Variants in ANKIB1 observed in about 807,000 individuals in gnomAD.
The protein encoded by ANKIB1 is ankyrin repeat and IBR domain containing 1, also known as ankyrin repeat and IBR domain-containing protein 1.
Under a neutral mutation model 122.1 loss-of-function variants are expected in ANKIB1, and 43 were observed. The ratio of observed to expected loss-of-function variants is 0.35; its 90% confidence interval spans 0.28 to 0.45. ANKIB1 has a LOEUF of 0.45. Among genes scored for constraint, ANKIB1 ranks in the 20% least tolerant of loss-of-function variants. ANKIB1 has a pLI of 1.00. For missense variants in ANKIB1, 992 were observed against 1,329.5 expected, an observed-to-expected ratio of 0.75 and a Z score of 3.95; for synonymous variants, 390 against 442.0, an observed-to-expected ratio of 0.88 and a Z score of 1.48.
chr7:92,248,361 C>G (rs1171319631), intron 1 of ANKIB1, among the ~76,000 whole-genome samples: 1 of 152,154 alleles, frequency 6.6e-6, no homozygotes, highest in East Asian at 1.9e-4. Flanking sequence ...GTTAGCCACT[C>G]TTTTGTACTC....
intron 12 of ANKIB1, among the ~76,000 whole-genome samples, chr7:92,387,351 C>CTTTTA (rs1804679196): frequency 6.6e-6 from 1 of 152,032 alleles, no homozygotes; most frequent in Non-Finnish European, 1.5e-5. Context: ...CATTGAAGGC[C>CTTTTA]TTGGCCTTCA....
chr7:92,272,779 C>A (rs1801823799), intron 1 of ANKIB1, among the ~76,000 whole-genome samples: 1 of 152,062 alleles, frequency 6.6e-6, no homozygotes, highest in Non-Finnish European at 1.5e-5. Flanking sequence ...TTGAGAAATA[C>A]ATCATTAGAT....
At position 92,398,899 on chromosome 7, in the gene ANKIB1, CA is replaced by C. The variant is rs1350380853; in HGVS notation, c.3223del (p.Thr1075HisfsTer14). ...AGGAGATGGTTCAGATGTTTCAAGT[CA>C]AACACCTCAAACCTCAAGTGACTGG... ...NRGDGSDVSS[Q>X]TPQTSSDWLE... On this transcript the variant is annotated frameshift_variant, in exon 20 of 20. Coordinates refer to ENST00000265742, the MANE Select transcript of ANKIB1 (RefSeq NM_019004.2). LOFTEE classifies it high-confidence loss of function. The C allele has an allele frequency of 6.2e-7, 1 of 1,601,722 alleles. No homozygotes were observed. The highest frequency in any genetic ancestry group is 8.5e-7 in the Non-Finnish European group (1 of 1,173,876).
chr7:92,296,375 A>G (rs1802356954), intron 2 of ANKIB1, among the ~76,000 whole-genome samples: 1 of 152,218 alleles, frequency 6.6e-6, no homozygotes, highest in African/African-American at 2.4e-5. Context: ...GGCCTCGGCC[A>G]CCATAGCCAG....
At chr7:92,395,458 A>G (rs961444325) in intron 17 of ANKIB1, among the ~76,000 whole-genome samples, 9 of 151,544 alleles carry the variant, frequency 5.9e-5, no homozygotes, top group Non-Finnish European at 4.4e-5. Context: ...AAATCCAACA[A>G]TCTGGCAAGT....
chr7:92,340,369 A>G (rs1217255167), intron 5 of ANKIB1, among the ~76,000 whole-genome samples: 1 of 152,252 alleles, frequency 6.6e-6, no homozygotes, highest in Non-Finnish European at 1.5e-5. Flanking sequence ...ACTTGTTCAA[A>G]TCTAGACAAA....
chr7:92,310,287 A>G (rs1185360456), intron 3 of ANKIB1, among the ~76,000 whole-genome samples: 2 of 152,116 alleles, frequency 1.3e-5, no homozygotes, highest in Non-Finnish European at 2.9e-5. Context: ...TGTATTCAGA[A>G]GAGCTCTTTG....
rs185998638 is a variant in ANKIB1, at chr7:92,340,038, G to A, written c.788-2986G>A. Among the ~76,000 whole-genome samples the A allele has an allele frequency of 3.4e-3, 508 of 151,146 alleles. 2 individuals carry two copies. Among genetic ancestry groups the A allele is most frequent in the African/African-American group, 0.012 (485 of 41,188 alleles). ...CCTTTGAAGTGTTTTTTCTCCCTTG[G>A]CCTTAAAGAACATTAATTTGTGTCT... On this transcript the variant is annotated intron_variant, in intron 5 of 19. Coordinates refer to ENST00000265742, the MANE Select transcript of ANKIB1 (RefSeq NM_019004.2).
At chr7:92,296,762 TTCTATAAAA>T (rs1227297614) in intron 2 of ANKIB1, among the ~76,000 whole-genome samples, 3 of 152,286 alleles carry the variant, frequency 2.0e-5, no homozygotes, top group Admixed American at 6.5e-5. Flanking sequence ...TAAATAGAAG[TTCTATAAAA>T]TCATTACACA....
chr7:92,305,580 A>G (rs1034705239), intron 2 of ANKIB1, among the ~76,000 whole-genome samples: 3 of 152,166 alleles, frequency 2.0e-5, no homozygotes, highest in Non-Finnish European at 4.4e-5. Context: ...GAAGACAAAG[A>G]AAAGAGTGGC....
At position 92,307,551 on chromosome 7, in the gene ANKIB1, A is replaced by G. The variant is rs1802588812; in HGVS notation, c.381A>G (p.Lys127=). The G allele has an allele frequency of 6.2e-7, 1 of 1,613,666 alleles. No individual in the cohort carries two copies. The highest frequency in any genetic ancestry group is 8.5e-7 in the Non-Finnish European group (1 of 1,179,878). Residue 127 remains lysine, a synonymous_variant, in exon 3 of 20, where the codon AAA becomes AAG. Transcript: ENST00000265742. ...LQMILKWKGA[K]LDQGEYERAA... Reference sequence around the variant, plus strand: ...TGATCTTAAAATGGAAAGGAGCAAAACTTGACCAGGGTGAATATGAGAGAG... The same window carrying G: ...TGATCTTAAAATGGAAAGGAGCAAAGCTTGACCAGGGTGAATATGAGAGAG...
intron 1 of ANKIB1, among the ~76,000 whole-genome samples, chr7:92,252,840 A>C (rs1801356905): frequency 6.6e-6 from 1 of 151,726 alleles, no homozygotes; most frequent in African/African-American, 2.4e-5. Flanking sequence ...CTACTAGAGT[A>C]GACAAAGTAG....
intron 1 of ANKIB1, among the ~76,000 whole-genome samples, chr7:92,247,039 T>C (rs903318443): frequency 2.0e-5 from 3 of 152,198 alleles, no homozygotes; most frequent in Admixed American, 6.5e-5. Context: ...CTTCTCCGTA[T>C]GTATGAGCTG....
At chr7:92,251,389 C>T (rs1168280675) in intron 1 of ANKIB1, among the ~76,000 whole-genome samples, 6 of 152,140 alleles carry the variant, frequency 3.9e-5, no homozygotes, top group Non-Finnish European at 5.9e-5. Context: ...TGTAAATCAA[C>T]ATATTCAGCC....
intron 9 of ANKIB1, among the ~76,000 whole-genome samples, chr7:92,355,102 C>T (rs1251491373): frequency 6.6e-6 from 1 of 152,198 alleles, no homozygotes; most frequent in East Asian, 1.9e-4. Context: ...CCCTTCTCTA[C>T]CTGTTCACAA....
intron 9 of ANKIB1, among the ~76,000 whole-genome samples, chr7:92,354,290 C>T (rs1803735437): frequency 6.6e-6 from 1 of 151,948 alleles, no homozygotes; most frequent in Non-Finnish European, 1.5e-5. Flanking sequence ...TTTCTCATAC[C>T]CCAAAATATC....
chr7:92,323,077 ATTAC>A (rs1462618050), intron 4 of ANKIB1, among the ~76,000 whole-genome samples: 1 of 152,194 alleles, frequency 6.6e-6, no homozygotes, highest in Admixed American at 6.5e-5. Flanking sequence ...AATCATGATT[ATTAC>A]TTCGTAGTCG....
At chr7:92,369,560 C>T (rs1386804022) in intron 10 of ANKIB1, among the ~76,000 whole-genome samples, 1 of 152,128 alleles carries the variant, frequency 6.6e-6, no homozygotes, top group African/African-American at 2.4e-5. Flanking sequence ...CTTACTTCCC[C>T]AGGGGCTTAT....
chr7:92,397,889 T>G (rs1804935107), intron 19 of ANKIB1, 30 bp downstream of exon 19: 62 of 1,589,620 alleles, frequency 3.9e-5, no homozygotes, highest in Non-Finnish European at 5.2e-5. Context: ...TCATTGCCTG[T>G]GCTTTTACTC....
Sources: allele counts gnomAD v4.1 joint callset (sites outside exome capture counted in the v4.1 genomes callset), GRCh38; gene constraint gnomAD v4.1.1; transcripts MANE v1.5; gene names NCBI Gene and HGNC (gene_info 2026-07-23, HGNC 2026-07-21).